The following RBM19 variants were observed in gnomAD, a reference collection of about 807,000 sequenced individuals.
The protein encoded by RBM19 is probable RNA-binding protein 19.
A neutral mutation model predicts 116.8 loss-of-function variants in RBM19; 94 were observed. The ratio of observed to expected loss-of-function variants is 0.80; its 90% CI spans 0.68 to 0.95. The LOEUF is 0.95. RBM19 is among the 40% of genes least tolerant of loss of function. The probability of loss-of-function intolerance (pLI) is 0.00; values close to 1 mark genes in which losing one functional copy is unlikely to be tolerated. For synonymous variants in RBM19, 475 were observed against 494.1 expected, an observed-to-expected ratio of 0.96 and a Z score of 0.51; for missense variants, 1,161 against 1,220.7, an observed-to-expected ratio of 0.95 and a Z score of 0.73.
intron 21 of RBM19, among the ~76,000 whole-genome samples, chr12:113,860,647 C>T (rs1878290893): frequency 6.6e-6 from 1 of 152,174 alleles, no homozygotes; most frequent in Admixed American, 6.5e-5. Context: ...TCTGTCCGTG[C>T]CTTGGCCTCA....
intron 18 of RBM19, among the ~76,000 whole-genome samples, chr12:113,921,306 G>A (rs1841094): frequency 0.071 from 10,767 of 152,170 alleles, 1,269 homozygotes; most frequent in African/African-American, 0.25. Flanking sequence ...AACTGGGGAG[G>A]GAGGAGTGTT....
rs1205302525 is a variant in RBM19, at chr12:113,962,269, T to C, written c.182A>G (p.His61Arg). The change falls in exon 2 of 24, where the codon CAT becomes CGT. Residue 61 changes from histidine (H) to arginine (R), a missense_variant. His to Arg is a conservative substitution (Grantham distance 29). Coordinates refer to ENST00000261741, the MANE Select transcript of RBM19 (RefSeq NM_016196.4). Reference sequence around the variant, plus strand: ...TGTGTCGATGAAGCTCTTGTTGAAATGCTTCTGTGCCTTCTGGGCCTCTTC... The same window carrying C: ...TGTGTCGATGAAGCTCTTGTTGAAACGCTTCTGTGCCTTCTGGGCCTCTTC... ...SEEEAQKAQK[H>R]FNKSFIDTSR... 6 of 1,614,264 alleles carry C rather than the reference T, an allele frequency of 3.7e-6. No individual in the cohort carries two copies. The highest frequency in any genetic ancestry group is 3.3e-4 in the Middle Eastern group (2 of 6,062).
chr12:113,863,909 C>A (rs1565983283), intron 21 of RBM19, among the ~76,000 whole-genome samples: 1 of 152,242 alleles, frequency 6.6e-6, no homozygotes, highest in Non-Finnish European at 1.5e-5. Flanking sequence ...CACATACACG[C>A]ACATCTGTCC....
chr12:113,844,767 G>C lies in RBM19; in HGVS notation c.2686C>G (p.His896Asp). Residue 896 changes from histidine to aspartate, a missense_variant, in exon 23 of 24, where the codon CAC becomes GAC. Coordinates refer to ENST00000261741, the MANE Select transcript of RBM19 (RefSeq NM_016196.4). ...CTCCGCCCGTACAAGTGGGTGCTGTGACACAGGGCGTTGAAGGCTCTCTGC... is the reference window on the plus strand; with the variant it reads ...CTCCGCCCGTACAAGTGGGTGCTGTCACACAGGGCGTTGAAGGCTCTCTGC... ...DAKRAFNALC[H>D]STHLYGRRLV... 6.2e-7 allele frequency: 1 copy of C among 1,613,234 alleles called. No individual in the cohort carries two copies. The highest frequency in any genetic ancestry group is 8.5e-7 in the Non-Finnish European group (1 of 1,179,658).
At chr12:113,868,467 A>G (rs1168468671) in intron 21 of RBM19, among the ~76,000 whole-genome samples, 1 of 152,232 alleles carries the variant, frequency 6.6e-6, no homozygotes, top group Non-Finnish European at 1.5e-5. Flanking sequence ...TAGATATTCT[A>G]TGTTTAAAGT....
chr12:113,937,702 A>G (rs147406869), intron 15 of RBM19, among the ~76,000 whole-genome samples: 1 of 145,586 alleles, frequency 6.9e-6, no homozygotes, highest in East Asian at 2.1e-4. Flanking sequence ...CAGGAGTTTG[A>G]GGCTGCAGTG....
At position 113,858,771 on chromosome 12, in the gene RBM19, G is replaced by A. The variant is rs1231803065; in HGVS notation, c.2664+20C>T. On this transcript the variant is annotated intron_variant, in intron 22 of 23. Transcript: ENST00000261741. The stretch of plus-strand genomic sequence containing the variant: ...GAAAGGGGAGGCCTGGACAGGTGGG[G>A]AAGGGATTCACGGTCTCACCTTCGC... 2 of 1,610,594 alleles carry A rather than the reference G, an allele frequency of 1.2e-6. No individual in the cohort carries two copies. The highest frequency in any genetic ancestry group is 2.2e-5 in the East Asian group (1 of 44,846).
At chr12:113,844,628 G>A (rs371898434) in intron 23 of RBM19, 40 bp downstream of exon 23, 8 of 1,579,868 alleles carry the variant, frequency 5.1e-6, no homozygotes, top group African/African-American at 2.7e-5. Context: ...TGTTCCCCAG[G>A]GGGCCCATGA....
intron 6 of RBM19, among the ~76,000 whole-genome samples, chr12:113,956,571 T>C (rs1271785649): frequency 9.3e-6 from 1 of 107,412 alleles, no homozygotes; most frequent in Non-Finnish European, 1.8e-5. Context: ...ACAGCAAGAC[T>C]GTCTCAAAAA....
intron 19 of RBM19, among the ~76,000 whole-genome samples, chr12:113,919,082 T>C (rs1047536991): frequency 6.6e-6 from 1 of 152,188 alleles, no homozygotes; most frequent in African/African-American, 2.4e-5. Context: ...CCACTGAACC[T>C]GCAGAGCCAA....
intron 21 of RBM19, among the ~76,000 whole-genome samples, chr12:113,887,515 TG>T (rs1326538183): frequency 2.1e-5 from 3 of 145,122 alleles, no homozygotes; most frequent in Non-Finnish European, 3.0e-5. Flanking sequence ...CATGCACTTG[TG>T]GTCGCAGCTA....
At chr12:113,847,743 C>T (rs1231173752) in intron 22 of RBM19, among the ~76,000 whole-genome samples, 1 of 152,200 alleles carries the variant, frequency 6.6e-6, no homozygotes, top group Non-Finnish European at 1.5e-5. Context: ...CTGTTTCCCA[C>T]TGTCAGATTT....
chr12:113,864,962 C>A (rs1260968216), intron 21 of RBM19, among the ~76,000 whole-genome samples: 1 of 152,188 alleles, frequency 6.6e-6, no homozygotes, highest in Non-Finnish European at 1.5e-5. Context: ...ATCACCATTC[C>A]CACAGTGGGT....
At chr12:113,956,473 C>T (rs7962175) in intron 6 of RBM19, among the ~76,000 whole-genome samples, 13,259 of 147,840 alleles carry the variant, frequency 0.09, 669 homozygotes, top group East Asian at 0.18. Context: ...CCCAGCTACT[C>T]GGGAGGCTGA....
intron 23 of RBM19, among the ~76,000 whole-genome samples, chr12:113,835,096 C>T (rs181114318): frequency 5.9e-5 from 9 of 152,296 alleles, no homozygotes; most frequent in South Asian, 4.2e-4. Context: ...CAGTGCCGAC[C>T]GCACACCTGG....
chr12:113,874,750 A>G (rs1257259433), intron 21 of RBM19, among the ~76,000 whole-genome samples: 3 of 152,220 alleles, frequency 2.0e-5, no homozygotes, highest in African/African-American at 7.2e-5. Context: ...GGTTTCTGAC[A>G]CCTGCCATGA....
At chr12:113,821,691 A>T (rs539469644), downstream of RBM19, among the ~76,000 whole-genome samples, 4 of 152,204 alleles carry the variant, frequency 2.6e-5, no homozygotes, top group South Asian at 8.3e-4. Context: ...CTAAGGTGGG[A>T]GGACCACTTG....
intron 22 of RBM19, among the ~76,000 whole-genome samples, chr12:113,845,563 C>T (rs1876894062): frequency 6.6e-6 from 1 of 152,166 alleles, no homozygotes; most frequent in Non-Finnish European, 1.5e-5. Context: ...AATTTTAGAA[C>T]ATTTTCATCA....
rs1272047713 is a variant in RBM19, at chr12:113,903,407, C to G, written c.2558+11562G>C. Among the ~76,000 whole-genome samples, 1 of 152,186 alleles carries G rather than the reference C, an allele frequency of 6.6e-6. No individual in the cohort carries two copies. Among genetic ancestry groups the G allele is most frequent in the Non-Finnish European group, 1.5e-5 (1 of 68,042 alleles). On this transcript the variant is annotated intron_variant, in intron 21 of 23. Transcript: ENST00000261741. The surrounding 1 kb of genome is among the most constrained non-coding windows in gnomAD (Gnocchi z 5.1). Reference sequence around the variant, plus strand: ...TATGAATACACCCCATTTTGTTTATCCACTCATCAGCTGACAGACATCTGT... The same window carrying G: ...TATGAATACACCCCATTTTGTTTATGCACTCATCAGCTGACAGACATCTGT...
Sources: gnomAD v4.1 joint callset for allele counts (sites outside exome capture counted in the v4.1 genomes callset) on GRCh38, gnomAD v4.1.1 for gene constraint, Gnocchi (gnomAD v3.1) non-coding constraint, MANE v1.5 for transcripts, NCBI Gene and HGNC (gene_info 2026-07-23, HGNC 2026-07-21) for gene names.